MECOM: variants seen among roughly 807,000 people sequenced by gnomAD.
MECOM encodes the protein histone-lysine N-methyltransferase MECOM.
In MECOM, 13 loss-of-function variants were observed where a neutral mutation model predicts 116.3. The observed-to-expected ratio is 0.11, with a 90% CI of 0.07 to 0.18. MECOM has a LOEUF of 0.18. MECOM is among the 10% of genes least tolerant of loss of function. MECOM has a pLI of 1.00. For missense variants in MECOM, 1,299 were observed against 1,509.0 expected (o/e 0.86, Z 2.31); for synonymous variants, 528 against 535.2 (o/e 0.99, Z 0.19).
intron 2 of MECOM, among the ~76,000 whole-genome samples, chr3:169,153,142 T>A (rs1251296733): frequency 2.0e-5 from 3 of 152,162 alleles, no homozygotes; most frequent in African/African-American, 4.8e-5. Flanking sequence ...GAAAATATTA[T>A]GATAAAATAA....
intron 2 of MECOM, among the ~76,000 whole-genome samples, chr3:169,261,377 TC>T (rs2149612281): frequency 1.3e-5 from 2 of 152,292 alleles, no homozygotes; most frequent in African/African-American, 4.8e-5. Context: ...GCCACAATTA[TC>T]TTTTTCTTAA....
chr3:169,109,118 T>C (rs528420142), intron 9 of MECOM, among the ~76,000 whole-genome samples: 1 of 152,268 alleles, frequency 6.6e-6, no homozygotes, highest in South Asian at 2.1e-4. Flanking sequence ...ACAAACGAAA[T>C]GGACATTCAG....
intron 9 of MECOM, among the ~76,000 whole-genome samples, chr3:169,112,432 G>A (rs139036116): frequency 6.6e-6 from 1 of 152,084 alleles, no homozygotes; most frequent in East Asian, 1.9e-4. Flanking sequence ...CATGAGTATG[G>A]GACGAGTCAC....
chr3:169,604,525 A>G (rs9831902), intron 1 of MECOM, among the ~76,000 whole-genome samples: 45,056 of 152,058 alleles, frequency 0.3, 7,002 homozygotes, highest in Non-Finnish European at 0.35. Context: ...GCAGAAAACT[A>G]GACTGGAGGA....
chr3:169,648,067 G>T (rs559358598), intron 1 of MECOM, among the ~76,000 whole-genome samples: 22 of 152,274 alleles, frequency 1.4e-4, no homozygotes, highest in Admixed American at 5.2e-4. Flanking sequence ...TTCCTCTTAG[G>T]AAAGTTATTA....
intron 2 of MECOM, among the ~76,000 whole-genome samples, chr3:169,241,697 A>C (rs1350955884): frequency 6.6e-6 from 1 of 152,204 alleles, no homozygotes; most frequent in Non-Finnish European, 1.5e-5. Flanking sequence ...TTTCCAAAGC[A>C]TTTGTTCTTG....
Position 169,508,576 on chromosome 3 carries a change from A to G in MECOM, c.38-127052T>C, listed in dbSNP as rs901644213. Among the ~76,000 whole-genome samples, 5 of 152,310 alleles carry G rather than the reference A, an allele frequency of 3.3e-5. No individual in the cohort carries two copies. The East Asian group carries it at 9.6e-4, about 29-fold the overall frequency. Reference sequence around the variant, plus strand: ...GAGACTCTTCTTACCCAGCCTGTCAATCCTGTAAATAAGTTTGGTGACAGT... The same window carrying G: ...GAGACTCTTCTTACCCAGCCTGTCAGTCCTGTAAATAAGTTTGGTGACAGT... On this transcript the variant is annotated intron_variant, in intron 1 of 16. Transcript: ENST00000651503.
At chr3:169,593,006 T>A (rs115994173) in intron 1 of MECOM, among the ~76,000 whole-genome samples, 32 of 152,376 alleles carry the variant, frequency 2.1e-4, no homozygotes, top group Non-Finnish European at 4.1e-4. Context: ...CTTCATTTAT[T>A]ATTCATTTGT....
chr3:169,268,001 A>G (rs1054544479), intron 2 of MECOM, among the ~76,000 whole-genome samples: 4 of 152,166 alleles, frequency 2.6e-5, no homozygotes, highest in Non-Finnish European at 5.9e-5. Flanking sequence ...ATTGCAAATA[A>G]GCACCACACA....
chr3:169,535,510 G>C lies in MECOM; in HGVS notation c.37+127826C>G, dbSNP rs554759981. On this transcript the variant is annotated intron_variant, in intron 1 of 16. Coordinates refer to ENST00000651503, the MANE Select transcript of MECOM (RefSeq NM_004991.4). ...TGGGCCTCTTCCCCATCCTAAAGTCGTTCCAGAGCAAAGCACTCAACACAA... is the reference window on the plus strand; with the variant it reads ...TGGGCCTCTTCCCCATCCTAAAGTCCTTCCAGAGCAAAGCACTCAACACAA... Among the ~76,000 whole-genome samples the C allele has an allele frequency of 6.4e-4, 98 of 152,202 alleles. No homozygotes were observed. In the South Asian group the frequency reaches 0.017, roughly 27 times the overall value.
chr3:169,438,483 A>C (rs1743077798), intron 1 of MECOM, among the ~76,000 whole-genome samples: 1 of 152,194 alleles, frequency 6.6e-6, no homozygotes, highest in Non-Finnish European at 1.5e-5. Flanking sequence ...AGTTAGCACT[A>C]GGGAACTCTA....
At position 169,133,128 on chromosome 3, in the gene MECOM, CACACAT is replaced by C. The variant is rs200520090; in HGVS notation, c.511-1603_511-1598del. Among the ~76,000 whole-genome samples the C allele has an allele frequency of 7.3e-3, 1,114 of 151,960 alleles. 12 individuals are homozygous for C. The highest frequency in any genetic ancestry group is 0.026 in the African/African-American group (1,069 of 41,380). The stretch of plus-strand genomic sequence containing the variant: ...AAACACATACACACACACACACACA[CACACAT>C]ACACTACCAAAACAATAACACAACA... On this transcript the variant is annotated intron_variant, in intron 3 of 16. Transcript: ENST00000651503.
chr3:169,127,376 A>G (rs1033011108), intron 5 of MECOM, among the ~76,000 whole-genome samples: 1 of 152,120 alleles, frequency 6.6e-6, no homozygotes, highest in Non-Finnish European at 1.5e-5. Flanking sequence ...TTTTATATAT[A>G]TGTAATTTAG....
At chr3:169,281,623 C>T (rs1029406434) in intron 2 of MECOM, among the ~76,000 whole-genome samples, 6 of 152,002 alleles carry the variant, frequency 3.9e-5, no homozygotes, top group Non-Finnish European at 7.4e-5. Context: ...CCAACCTGGG[C>T]AACATGGCAA....
chr3:169,120,480 G>GA (rs970108597), intron 7 of MECOM, among the ~76,000 whole-genome samples: 1 of 152,176 alleles, frequency 6.6e-6, no homozygotes, highest in African/African-American at 2.4e-5. Context: ...GCATCTAAGT[G>GA]AAAATGTTCT....
At chr3:169,656,347 AT>A (rs1265995738) in intron 1 of MECOM, among the ~76,000 whole-genome samples, 1 of 152,238 alleles carries the variant, frequency 6.6e-6, no homozygotes, top group Non-Finnish European at 1.5e-5. Flanking sequence ...TAGAATTGTT[AT>A]AAAAGTCAGT....
Position 169,115,475 on chromosome 3 carries a change from TCCC to T in MECOM, c.2394_2396del (p.Gly799del). The T allele has an allele frequency of 6.2e-7, 1 of 1,614,098 alleles. No individual in the cohort carries two copies. Among genetic ancestry groups the T allele is most frequent in the Non-Finnish European group, 8.5e-7 (1 of 1,180,018 alleles). On this transcript the variant is annotated inframe_deletion, in exon 8 of 17. Transcript: ENST00000651503. ...TTGATTCGACGTTGCTTCCTTTTTT[TCCC>T]CCAAACACGTGGTTTTTTCGAGGCT...
chr3:169,397,826 G>A (rs1174439004), intron 1 of MECOM, among the ~76,000 whole-genome samples: 1 of 152,182 alleles, frequency 6.6e-6, no homozygotes, highest in Non-Finnish European at 1.5e-5. Context: ...ATTGTCATGG[G>A]CAGCTCATTC....
chr3:169,378,924 G>C (rs1220431692), intron 2 of MECOM, among the ~76,000 whole-genome samples: 1 of 151,682 alleles, frequency 6.6e-6, no homozygotes, highest in African/African-American at 2.4e-5. Flanking sequence ...AGGCCTAAGA[G>C]GTTTTTTTTT....
Sources: gnomAD v4.1 joint callset for allele counts (sites outside exome capture counted in the v4.1 genomes callset) on GRCh38, gnomAD v4.1.1 for gene constraint, MANE v1.5 for transcripts, NCBI Gene and HGNC (gene_info 2026-07-23, HGNC 2026-07-21) for gene names.